WARS2: variants seen among roughly 807,000 people sequenced by gnomAD.
WARS2 encodes tryptophan--tRNA ligase, mitochondrial.
A neutral mutation model predicts 36.5 loss-of-function variants in WARS2; 28 were observed. That is an observed-to-expected ratio of 0.77 (90% CI 0.57 to 1.05). WARS2 has a LOEUF of 1.05. WARS2 is among the 50% of genes least tolerant of loss of function. The probability of loss-of-function intolerance (pLI) is 0.00; values close to 1 mark genes in which losing one functional copy is unlikely to be tolerated. For synonymous variants in WARS2, 174 were observed against 178.4 expected, an observed-to-expected ratio of 0.98 and a Z score of 0.20; for missense variants, 435 against 456.8, an observed-to-expected ratio of 0.95 and a Z score of 0.44.
At chr1:119,123,813 C>G (rs1655482149) in intron 1 of WARS2, among the ~76,000 whole-genome samples, 1 of 151,866 alleles carries the variant, frequency 6.6e-6, no homozygotes, top group Non-Finnish European at 1.5e-5. Context: ...CCTCTCCTCT[C>G]TTCTCTTCTT....
chr1:119,057,303 G>T (rs1649905425), intron 2 of WARS2, among the ~76,000 whole-genome samples: 1 of 151,784 alleles, frequency 6.6e-6, no homozygotes, highest in South Asian at 2.1e-4. Flanking sequence ...ACACCACCAA[G>T]CCCGGCTAAA....
intron 2 of WARS2, among the ~76,000 whole-genome samples, chr1:119,059,269 G>A (rs1650161384): frequency 1.3e-5 from 2 of 151,936 alleles, no homozygotes; most frequent in Non-Finnish European, 2.9e-5. Context: ...TGTTCACTCT[G>A]ATGGTAGTTT....
intron 2 of WARS2, among the ~76,000 whole-genome samples, chr1:119,062,422 G>C (rs1184143127): frequency 6.6e-6 from 1 of 151,774 alleles, no homozygotes. Context: ...TGAGATTTGT[G>C]ATTCTCAGAG....
chr1:119,084,345 G>T (rs1652453084), intron 1 of WARS2, among the ~76,000 whole-genome samples: 2 of 151,950 alleles, frequency 1.3e-5, no homozygotes, highest in African/African-American at 4.8e-5. Flanking sequence ...AAATGTTTTG[G>T]AAATAGACAG....
chr1:119,130,186 T>A (rs759781138), intron 1 of WARS2, among the ~76,000 whole-genome samples: 2 of 152,212 alleles, frequency 1.3e-5, no homozygotes, highest in Non-Finnish European at 2.9e-5. Flanking sequence ...GAGCTTTTTA[T>A]TTCCTTTATA....
At chr1:119,038,601 G>A (rs1648068786) in intron 4 of WARS2, among the ~76,000 whole-genome samples, 1 of 152,100 alleles carries the variant, frequency 6.6e-6, no homozygotes. Flanking sequence ...TTTTGGTTTG[G>A]TTTGGTTTCT....
chr1:119,088,435 A>AACACACACACACACACAC lies in WARS2; in HGVS notation c.91-11846_91-11829dup, dbSNP rs113752727. ...CTGCCAACCTGCTAGGAAACACTGA[A>AACACACACACACACACAC]ACACACACACACACACACACACACA... On this transcript the variant is annotated intron_variant, in intron 1 of 5. Transcript: ENST00000235521. 2.6e-4 allele frequency among the ~76,000 whole-genome samples: 39 copies of AACACACACACACACACAC among 149,160 alleles called. No individual in the cohort carries two copies. In the East Asian group the frequency reaches 3.4e-3, roughly 13 times the overall value.
At chr1:119,076,897 T>C (rs1651784388) in intron 1 of WARS2, among the ~76,000 whole-genome samples, 1 of 151,976 alleles carries the variant, frequency 6.6e-6, no homozygotes, top group Non-Finnish European at 1.5e-5. Flanking sequence ...CCCGACACTT[T>C]GGGAGGCTGA....
chr1:119,124,028 T>C (rs587614643), intron 1 of WARS2, among the ~76,000 whole-genome samples: 1 of 152,338 alleles, frequency 6.6e-6, no homozygotes, highest in South Asian at 2.1e-4. Context: ...TGATAACCCC[T>C]GATCTTCCCT....
chr1:119,033,087 T>C lies in WARS2; in HGVS notation c.907A>G (p.Lys303Glu). 1 of 1,614,254 alleles carries C rather than the reference T, an allele frequency of 6.2e-7. No homozygotes were observed. The highest frequency in any genetic ancestry group is 8.5e-7 in the Non-Finnish European group (1 of 1,180,046). The part of the protein sequence containing the change: ...RSAGMNTARY[K>E]LAVADAVIEK... ...ATCACAGCATCTGCCACGGCCAGCT[T>C]GTAGCGAGCAGTGTTCATGCCCGCG... Residue 303 changes from lysine (K) to glutamate (E), a missense_variant, in exon 6 of 6, where the codon AAG (lysine) becomes GAG (glutamate). Physicochemically the swap from Lys to Glu is moderately conservative, Grantham distance 56. Transcript: ENST00000235521.
At chr1:119,109,558 A>G (rs1370225978) in intron 1 of WARS2, among the ~76,000 whole-genome samples, 2 of 151,928 alleles carry the variant, frequency 1.3e-5, no homozygotes. Flanking sequence ...GTATATCCCC[A>G]TCTCTTTACT....
intron 1 of WARS2, among the ~76,000 whole-genome samples, chr1:119,134,039 T>C (rs1656289894): frequency 6.6e-6 from 1 of 151,718 alleles, no homozygotes; most frequent in South Asian, 2.1e-4. Context: ...AAGGTAAATG[T>C]TATTTTATTT....
intron 2 of WARS2, among the ~76,000 whole-genome samples, chr1:119,070,487 G>C (rs376683840): frequency 1.3e-5 from 2 of 152,010 alleles, no homozygotes; most frequent in African/African-American, 2.4e-5. Flanking sequence ...GGCTGATCTG[G>C]AGCTCCTGAG....
intron 1 of WARS2, among the ~76,000 whole-genome samples, chr1:119,084,236 T>C (rs1250366919): frequency 2.0e-5 from 3 of 151,832 alleles, no homozygotes; most frequent in African/African-American, 7.3e-5. Context: ...GGCAAACCCA[T>C]AAACAGGAAG....
intron 1 of WARS2, among the ~76,000 whole-genome samples, chr1:119,137,174 C>G (rs1239129538): frequency 6.6e-6 from 1 of 152,052 alleles, no homozygotes; most frequent in Non-Finnish European, 1.5e-5. Flanking sequence ...ATATTAATTT[C>G]TTGATTTTGA....
intron 1 of WARS2, among the ~76,000 whole-genome samples, chr1:119,106,902 CTG>C (rs1485422372): frequency 6.6e-6 from 1 of 152,180 alleles, no homozygotes; most frequent in Non-Finnish European, 1.5e-5. Flanking sequence ...TCCAAGGTGT[CTG>C]TACTATTTTG....
intron 1 of WARS2, chr1:119,082,353 T>C (rs1026349249): frequency 7.1e-6 from 7 of 985,314 alleles, no homozygotes; most frequent in Non-Finnish European, 8.4e-6. Flanking sequence ...CCTTCTATCA[T>C]GTGATGGAAT....
At chr1:119,060,283 G>C (rs1275014214) in intron 2 of WARS2, among the ~76,000 whole-genome samples, 1 of 152,052 alleles carries the variant, frequency 6.6e-6, no homozygotes, top group Non-Finnish European at 1.5e-5. Context: ...GAGATGAAGG[G>C]GCCTGCATGG....
intron 1 of WARS2, among the ~76,000 whole-genome samples, chr1:119,134,277 A>C (rs1656320883): frequency 6.8e-6 from 1 of 147,748 alleles, no homozygotes; most frequent in Non-Finnish European, 1.5e-5. Context: ...CATGAATTAA[A>C]AATCAGATTG....
Sources: allele counts gnomAD v4.1 joint callset (sites outside exome capture counted in the v4.1 genomes callset), GRCh38; gene constraint gnomAD v4.1.1; transcripts MANE v1.5; gene names NCBI Gene and HGNC (gene_info 2026-07-23, HGNC 2026-07-21).